FTO: variants seen among roughly 807,000 people sequenced by gnomAD.
FTO encodes the protein alpha-ketoglutarate-dependent dioxygenase FTO.
In FTO, 47 loss-of-function variants were observed where a neutral mutation model predicts 63.9. The ratio of observed to expected loss-of-function variants is 0.74; its 90% CI spans 0.58 to 0.94. FTO has a LOEUF of 0.94. Among genes scored for constraint, FTO ranks in the 40% least tolerant of loss-of-function variants. FTO has a pLI of 0.00. For synonymous variants in FTO, 207 were observed against 224.4 expected (o/e 0.92, Z 0.69); for missense variants, 562 against 618.1 (o/e 0.91, Z 0.96).
intron 8 of FTO, chr16:54,039,264 A>G (rs2085016051): frequency 6.6e-6 from 1 of 152,234 alleles, no homozygotes; most frequent in African/African-American, 2.4e-5. Context: ...TGGCTTAATG[A>G]TATAATGTTT....
chr16:53,734,999 C>T (rs996175784), intron 1 of FTO, among the ~76,000 whole-genome samples: 4 of 152,230 alleles, frequency 2.6e-5, no homozygotes, highest in East Asian at 1.9e-4. Flanking sequence ...GCGATTCCTA[C>T]GCTTGGCTTA....
chr16:53,969,566 G>A (rs540543409), intron 8 of FTO, among the ~76,000 whole-genome samples: 32 of 152,028 alleles, frequency 2.1e-4, no homozygotes, highest in African/African-American at 7.7e-4. Flanking sequence ...CTTTTTTTGT[G>A]GCGACTCACA....
intron 1 of FTO, among the ~76,000 whole-genome samples, chr16:53,724,103 G>A (rs2076098225): frequency 6.6e-6 from 1 of 152,226 alleles, no homozygotes; most frequent in South Asian, 2.1e-4. Context: ...CTGATCTTTT[G>A]AGGATATGAA....
intron 8 of FTO, among the ~76,000 whole-genome samples, chr16:54,031,942 G>T (rs541349154): frequency 2.6e-5 from 4 of 152,190 alleles, no homozygotes; most frequent in Non-Finnish European, 4.4e-5. Context: ...GTGGGAATAA[G>T]GTAGTGTACA....
At chr16:53,740,505 T>C (rs1268602726) in intron 1 of FTO, among the ~76,000 whole-genome samples, 1 of 152,244 alleles carries the variant, frequency 6.6e-6, no homozygotes, top group Non-Finnish European at 1.5e-5. Flanking sequence ...TTTTCTGGTT[T>C]TTCTTGCCTT....
At chr16:53,928,649 T>G (rs993399260) in intron 7 of FTO, among the ~76,000 whole-genome samples, 6 of 152,170 alleles carry the variant, frequency 3.9e-5, no homozygotes, top group African/African-American at 1.4e-4. Context: ...TGTCGTTAAG[T>G]TATATTTCTT....
chr16:54,011,712 C>T (rs8051348), intron 8 of FTO, among the ~76,000 whole-genome samples: 78,613 of 151,972 alleles, frequency 0.52, 22,496 homozygotes, highest in African/African-American at 0.76. Flanking sequence ...ACAAAAGAAA[C>T]GATATAAAAA....
At chr16:53,989,635 T>A (rs1175463682) in intron 8 of FTO, among the ~76,000 whole-genome samples, 1 of 152,116 alleles carries the variant, frequency 6.6e-6, no homozygotes, top group Non-Finnish European at 1.5e-5. Flanking sequence ...TTGTTTAGAC[T>A]CTAGTCTCCT....
intron 6 of FTO, among the ~76,000 whole-genome samples, chr16:53,880,196 C>G (rs2080785259): frequency 6.6e-6 from 1 of 152,048 alleles, no homozygotes; most frequent in Non-Finnish European, 1.5e-5. Context: ...GAGGTTTCAC[C>G]ACGTTGGCCA....
At chr16:53,983,374 T>C (rs2083591181) in intron 8 of FTO, among the ~76,000 whole-genome samples, 2 of 152,096 alleles carry the variant, frequency 1.3e-5, no homozygotes, top group Admixed American at 1.3e-4. Context: ...GAGGAGATGC[T>C]GACCTGGTGG....
At chr16:53,881,768 C>CT (rs1188266445) in intron 6 of FTO, among the ~76,000 whole-genome samples, 2 of 152,298 alleles carry the variant, frequency 1.3e-5, no homozygotes, top group South Asian at 2.1e-4. Flanking sequence ...TAAATCAACT[C>CT]TTTTTTAACA....
chr16:53,820,095 A>G (rs2078815162), intron 2 of FTO, among the ~76,000 whole-genome samples: 1 of 141,162 alleles, frequency 7.1e-6, no homozygotes, highest in Non-Finnish European at 1.5e-5. Flanking sequence ...TGTAACCTCT[A>G]CCTCCCGGGT....
chr16:53,827,770 G>A (rs1347544037), intron 3 of FTO, among the ~76,000 whole-genome samples: 2 of 152,176 alleles, frequency 1.3e-5, no homozygotes, highest in Non-Finnish European at 2.9e-5. Context: ...GGGATTTAAC[G>A]CTGTCCTAAT....
chr16:53,982,057 G>A (rs1472115900), intron 8 of FTO: 2 of 152,104 alleles, frequency 1.3e-5, no homozygotes, highest in Non-Finnish European at 2.9e-5. Context: ...TCCAGCCTGG[G>A]CGACAGAGCG....
intron 1 of FTO, among the ~76,000 whole-genome samples, chr16:53,769,778 A>G (rs1487795079): frequency 1.3e-5 from 2 of 152,110 alleles, no homozygotes. Flanking sequence ...TGTTTATGTA[A>G]CAGTAATGAG....
At chr16:53,724,481 TG>T (rs1267052566) in intron 1 of FTO, among the ~76,000 whole-genome samples, 1 of 152,212 alleles carries the variant, frequency 6.6e-6, no homozygotes, top group Non-Finnish European at 1.5e-5. Flanking sequence ...CTGTCTCTGA[TG>T]GGGGCCACTA....
chr16:53,907,179 A>G (rs910183273), intron 7 of FTO, among the ~76,000 whole-genome samples: 3 of 152,220 alleles, frequency 2.0e-5, no homozygotes, highest in African/African-American at 7.2e-5. Context: ...ATACCCATTG[A>G]AAGTTGAAAA....
intron 1 of FTO, among the ~76,000 whole-genome samples, chr16:53,798,325 C>T (rs1316336661): frequency 6.6e-6 from 1 of 152,036 alleles, no homozygotes; most frequent in East Asian, 1.9e-4. Flanking sequence ...AATAGAATGT[C>T]AATTTTTACA....
At chr16:53,937,552 C>G (rs966734382) in intron 8 of FTO, 3 of 320,104 alleles carry the variant, frequency 9.4e-6, no homozygotes, top group African/African-American at 6.4e-5. Context: ...TTTAGGGTCA[C>G]TCTCTGATAA....
Sources: gnomAD v4.1 joint callset for allele counts (sites outside exome capture counted in the v4.1 genomes callset) on GRCh38, gnomAD v4.1.1 for gene constraint, MANE v1.5 for transcripts, NCBI Gene and HGNC (gene_info 2026-07-23, HGNC 2026-07-21) for gene names.